Variants in RNF169 observed in about 807,000 individuals in gnomAD.
RNF169 encodes the protein E3 ubiquitin-protein ligase RNF169.
In RNF169, 24 loss-of-function variants were observed where a neutral mutation model predicts 53.9. The ratio of observed to expected loss-of-function variants is 0.45; its 90% CI spans 0.32 to 0.63. The LOEUF is 0.63. Ranked by LOEUF, RNF169 falls within the 20% of genes least tolerant of loss-of-function variation. The pLI, the probability that RNF169 is intolerant of heterozygous loss-of-function variation, is 0.04. For missense variants in RNF169, 883 were observed against 906.2 expected (o/e 0.97, Z 0.33); for synonymous variants, 396 against 363.5 (o/e 1.09, Z -1.02).
At chr11:74,813,416 A>G (rs1395528267) in intron 3 of RNF169, among the ~76,000 whole-genome samples, 1 of 152,216 alleles carries the variant, frequency 6.6e-6, no homozygotes, top group African/African-American at 2.4e-5. Flanking sequence ...ATTTATTACA[A>G]TTTGTTATGG....
intron 2 of RNF169, among the ~76,000 whole-genome samples, chr11:74,791,078 G>T (rs2035572189): frequency 6.6e-6 from 1 of 152,196 alleles, no homozygotes; most frequent in Non-Finnish European, 1.5e-5. Context: ...TTTATTGAGT[G>T]ACAGTACAGC....
intron 2 of RNF169, among the ~76,000 whole-genome samples, chr11:74,800,572 G>T (rs1158414751): frequency 1.3e-5 from 2 of 152,016 alleles, no homozygotes; most frequent in East Asian, 1.9e-4. Context: ...AATAGTGCCT[G>T]GTCCATAGTA....
chr11:74,821,296 C>G (rs1255610837), intron 4 of RNF169, among the ~76,000 whole-genome samples: 1 of 152,146 alleles, frequency 6.6e-6, no homozygotes, highest in Non-Finnish European at 1.5e-5. Flanking sequence ...GAACTCAAAT[C>G]CTTCTGCATT....
At chr11:74,767,118 G>T (rs1338474753) in intron 1 of RNF169, among the ~76,000 whole-genome samples, 1 of 152,106 alleles carries the variant, frequency 6.6e-6, no homozygotes, top group Non-Finnish European at 1.5e-5. Flanking sequence ...GGGATTACAG[G>T]CATGAATCAC....
intron 1 of RNF169, among the ~76,000 whole-genome samples, chr11:74,769,369 A>G (rs771438952): frequency 2.1e-4 from 32 of 152,212 alleles, no homozygotes; most frequent in Non-Finnish European, 2.9e-4. Flanking sequence ...ATGAGCACCT[A>G]TATACTGCTG....
intron 1 of RNF169, among the ~76,000 whole-genome samples, chr11:74,773,949 C>G (rs928144928): frequency 1.3e-5 from 2 of 151,928 alleles, no homozygotes; most frequent in Non-Finnish European, 2.9e-5. Context: ...CATTTTGTAC[C>G]CCCTCATGGA....
intron 2 of RNF169, among the ~76,000 whole-genome samples, chr11:74,809,761 G>A (rs567180233): frequency 6.6e-6 from 1 of 152,336 alleles, no homozygotes; most frequent in African/African-American, 2.4e-5. Context: ...ACTGCGTTAA[G>A]TCACTCTTTT....
intron 2 of RNF169, among the ~76,000 whole-genome samples, chr11:74,807,012 G>C (rs2035815745): frequency 6.6e-6 from 1 of 151,762 alleles, no homozygotes. Flanking sequence ...ATTCCTGGTA[G>C]TGTGGCTGAG....
At chr11:74,776,061 GACTT>G (rs61435143) in intron 1 of RNF169, among the ~76,000 whole-genome samples, 1,769 of 152,266 alleles carry the variant, frequency 0.012, 48 homozygotes, top group African/African-American at 0.04. Flanking sequence ...AGTATAATAT[GACTT>G]ACTGTCTTCC....
chr11:74,820,114 T>A (rs905589940), intron 4 of RNF169, among the ~76,000 whole-genome samples: 3 of 152,064 alleles, frequency 2.0e-5, no homozygotes, highest in African/African-American at 7.2e-5. Context: ...TTCCTTAAAA[T>A]TCACAGATGA....
At chr11:74,749,451 G>A in intron 1 of RNF169, 69 bp downstream of exon 1, 1 of 1,169,064 alleles carries the variant, frequency 8.6e-7, no homozygotes, top group Non-Finnish European at 1.1e-6. Context: ...GCCTGGTGAG[G>A]GGGTGGAGAG....
rs1591416786 is a variant in RNF169, at chr11:74,804,693, A to T, written c.577-5491A>T. 2.6e-5 allele frequency among the ~76,000 whole-genome samples: 4 copies of T among 152,314 alleles called. No homozygotes were observed. In the South Asian group the frequency reaches 8.3e-4, roughly 32 times the overall value. ...TTGGTGTTTTTTTGTGAATAGAAAT[A>T]TGCTGTAGGAACTTAACTCTTTTAT... On this transcript the variant is annotated intron_variant, in intron 2 of 5. Coordinates refer to ENST00000299563, the MANE Select transcript of RNF169 (RefSeq NM_001098638.2).
At chr11:74,807,730 A>G (rs1193737250) in intron 2 of RNF169, 1 of 152,228 alleles carries the variant, frequency 6.6e-6, no homozygotes, top group African/African-American at 2.4e-5. Context: ...GAAGAGTTCA[A>G]CAAACAACAG....
intron 3 of RNF169, among the ~76,000 whole-genome samples, chr11:74,814,308 T>C (rs2035914503): frequency 6.6e-6 from 1 of 150,522 alleles, no homozygotes; most frequent in Non-Finnish European, 1.5e-5. Context: ...CCAGCCTGGG[T>C]GACAGAGTGA....
In RNF169 at chr11:74,761,709, C is replaced by T. The variant is rs553024734; in HGVS notation, c.502+12327C>T. On this transcript the variant is annotated intron_variant, in intron 1 of 5. Coordinates refer to ENST00000299563, the MANE Select transcript of RNF169 (RefSeq NM_001098638.2). ...GTTAGTCTGATGGGCTTCCCTTTCCCGACCTTTCTCTCTGGCTGCCCTTAA... is the reference window on the plus strand; with the variant it reads ...GTTAGTCTGATGGGCTTCCCTTTCCTGACCTTTCTCTCTGGCTGCCCTTAA... Among the ~76,000 whole-genome samples the T allele has an allele frequency of 7.3e-5, 11 of 151,402 alleles. No homozygotes were observed. In the South Asian group the frequency reaches 8.3e-4, roughly 11 times the overall value.
chr11:74,781,441 T>TC (rs963293468), intron 1 of RNF169, among the ~76,000 whole-genome samples: 3 of 152,172 alleles, frequency 2.0e-5, no homozygotes, highest in African/African-American at 7.2e-5. Context: ...CAGAAATAGA[T>TC]CCATGTGTGT....
chr11:74,784,777 C>G (rs2035464362), intron 1 of RNF169, among the ~76,000 whole-genome samples: 1 of 152,114 alleles, frequency 6.6e-6, no homozygotes. Flanking sequence ...GGGAACCCTC[C>G]TAACATCCAA....
chr11:74,832,025 G>A (rs1414212423), intron 4 of RNF169: 1 of 152,210 alleles, frequency 6.6e-6, no homozygotes, highest in African/African-American at 2.4e-5. Context: ...CTAAATGTAA[G>A]TGCTTAAACT....
chr11:74,758,448 GT>G (rs530521350), intron 1 of RNF169, among the ~76,000 whole-genome samples: 4 of 149,354 alleles, frequency 2.7e-5, no homozygotes, highest in Admixed American at 6.7e-5. Flanking sequence ...CTCCAGCTTT[GT>G]TTTTTTGGCT....
Sources: gnomAD v4.1 joint callset for allele counts (sites outside exome capture counted in the v4.1 genomes callset) on GRCh38, gnomAD v4.1.1 for gene constraint, MANE v1.5 for transcripts, NCBI Gene and HGNC (gene_info 2026-07-23, HGNC 2026-07-21) for gene names.